The following SUCLG2 variants were observed in gnomAD, a reference collection of about 807,000 sequenced individuals.
SUCLG2 encodes succinate--CoA ligase [GDP-forming] subunit beta, mitochondrial.
In SUCLG2, 42 loss-of-function variants were observed where a neutral mutation model predicts 47.9. The ratio of observed to expected loss-of-function variants is 0.88; its 90% CI spans 0.69 to 1.14. The LOEUF is 1.14. Among genes scored for constraint, SUCLG2 ranks in the 50% most tolerant of loss-of-function variants. The pLI, the probability that SUCLG2 is intolerant of heterozygous loss-of-function variation, is 0.00. For synonymous variants in SUCLG2, 195 were observed against 197.3 expected, an observed-to-expected ratio of 0.99 and a Z score of 0.10; for missense variants, 571 against 525.9, an observed-to-expected ratio of 1.09 and a Z score of -0.84.
intron 9 of SUCLG2, among the ~76,000 whole-genome samples, chr3:67,495,468 C>A (rs901438314): frequency 1.3e-5 from 2 of 151,972 alleles, no homozygotes; most frequent in Non-Finnish European, 2.9e-5. Flanking sequence ...GCCTGGCCAA[C>A]ATGAGAAACC....
intron 4 of SUCLG2, among the ~76,000 whole-genome samples, chr3:67,527,799 G>C (rs952803487): frequency 1.3e-5 from 2 of 152,188 alleles, no homozygotes; most frequent in Non-Finnish European, 2.9e-5. Context: ...AGCAGCGAAT[G>C]TCCCTCACTG....
intron 9 of SUCLG2, among the ~76,000 whole-genome samples, chr3:67,441,598 C>T (rs1177724282): frequency 1.3e-5 from 2 of 152,178 alleles, no homozygotes; most frequent in East Asian, 1.9e-4. Flanking sequence ...GTATTTCCAA[C>T]CCTCAAAAAC....
At chr3:67,470,971 C>A (rs1575718489) in intron 9 of SUCLG2, among the ~76,000 whole-genome samples, 1 of 152,104 alleles carries the variant, frequency 6.6e-6, no homozygotes, top group East Asian at 1.9e-4. Context: ...TTCTGTTATG[C>A]CTGTTAACTG....
chr3:67,568,151 C>A (rs1022487000), intron 2 of SUCLG2, among the ~76,000 whole-genome samples: 19 of 152,120 alleles, frequency 1.2e-4, no homozygotes, highest in Non-Finnish European at 4.4e-5. Flanking sequence ...AAGAAACATT[C>A]ATCGTTGGGC....
At chr3:67,361,167 G>GAA (rs112542838) in intron 10 of SUCLG2, among the ~76,000 whole-genome samples, 1 of 144,522 alleles carries the variant, frequency 6.9e-6, no homozygotes, top group Non-Finnish European at 1.5e-5. Context: ...TGAGATGCCG[G>GAA]AAAAAAAAAA....
intron 9 of SUCLG2, among the ~76,000 whole-genome samples, chr3:67,439,326 A>T (rs1403417725): frequency 6.6e-6 from 1 of 152,238 alleles, no homozygotes; most frequent in African/African-American, 2.4e-5. Flanking sequence ...GAAAATTGGC[A>T]CAAGACAAGG....
intron 1 of SUCLG2, among the ~76,000 whole-genome samples, chr3:67,613,976 T>TTTTA (rs1700579370): frequency 6.6e-6 from 1 of 152,178 alleles, no homozygotes. Context: ...ATGTAACTAC[T>TTTTA]CCAGGCTTTG....
At chr3:67,624,296 T>C (rs1469494392) in intron 1 of SUCLG2, among the ~76,000 whole-genome samples, 7 of 152,202 alleles carry the variant, frequency 4.6e-5, no homozygotes, top group African/African-American at 1.7e-4. Context: ...CTGGGGAAAT[T>C]CCTGAGATCA....
chr3:67,630,644 C>T (rs1398787441), intron 1 of SUCLG2, among the ~76,000 whole-genome samples: 23 of 152,214 alleles, frequency 1.5e-4, no homozygotes, highest in Non-Finnish European at 2.8e-4. Flanking sequence ...ATGCCCAGCA[C>T]TTGTACCAAC....
At chr3:67,429,005 G>C (rs1312745786) in intron 9 of SUCLG2, among the ~76,000 whole-genome samples, 1 of 152,140 alleles carries the variant, frequency 6.6e-6, no homozygotes, top group Non-Finnish European at 1.5e-5. Flanking sequence ...AGGGAGAATG[G>C]AACCAAGTTG....
intron 9 of SUCLG2, among the ~76,000 whole-genome samples, chr3:67,457,511 C>T (rs1053971862): frequency 1.3e-5 from 2 of 152,004 alleles, no homozygotes; most frequent in African/African-American, 4.8e-5. Flanking sequence ...TGGGGAATTA[C>T]TGATTAAAGG....
intron 9 of SUCLG2, among the ~76,000 whole-genome samples, chr3:67,483,208 T>C (rs1265667806): frequency 6.6e-6 from 1 of 151,894 alleles, no homozygotes; most frequent in East Asian, 1.9e-4. Flanking sequence ...GTAAAGTTGC[T>C]GCGTAAACTA....
chr3:67,458,457 C>T (rs970313951), intron 9 of SUCLG2, among the ~76,000 whole-genome samples: 6 of 152,148 alleles, frequency 3.9e-5, no homozygotes, highest in Non-Finnish European at 8.8e-5. Flanking sequence ...TTATCAAACA[C>T]ACAGCAGTTC....
chr3:67,423,792 T>G (rs923308313), intron 9 of SUCLG2, among the ~76,000 whole-genome samples: 4 of 152,218 alleles, frequency 2.6e-5, no homozygotes, highest in African/African-American at 9.6e-5. Context: ...CTCCCTTTAC[T>G]GAAGTGAGTT....
At chr3:67,428,436 A>G (rs969305732) in intron 9 of SUCLG2, among the ~76,000 whole-genome samples, 3 of 152,196 alleles carry the variant, frequency 2.0e-5, no homozygotes, top group African/African-American at 7.2e-5. Flanking sequence ...CCGAAACCCC[A>G]TCTGTGCGTC....
rs75987037 is a variant in SUCLG2, at chr3:67,508,610, G to T, written c.757+197C>A. On this transcript the variant is annotated intron_variant, in intron 7 of 10. Coordinates refer to ENST00000307227, the MANE Select transcript of SUCLG2 (RefSeq NM_003848.4). ...AAAACAAGCAGTAGCTTCCTTAGAG[G>T]CTTGGCATTTGGCTACAAACAAACC... 4.5e-3 allele frequency among the ~76,000 whole-genome samples: 681 copies of T among 152,186 alleles called. 8 individuals are homozygous for T. The East Asian group carries it at 0.054, about 12-fold the overall frequency.
Position 67,362,441 on chromosome 3 carries a change from A to G in SUCLG2, c.1184-1673T>C, listed in dbSNP as rs142506369. 1.5e-4 allele frequency among the ~76,000 whole-genome samples: 23 copies of G among 152,054 alleles called. No individual in the cohort carries two copies. In the East Asian group the frequency reaches 2.3e-3, roughly 15 times the overall value. On this transcript the variant is annotated intron_variant, in intron 10 of 10. Coordinates refer to the SUCLG2 transcript ENST00000493112. ...TGGGCTTTCTTTAAAATTGCAATAT[A>G]TTTTCATGTATTTGTGTTACTTTAT...
At chr3:67,480,715 T>G (rs1704890600) in intron 9 of SUCLG2, among the ~76,000 whole-genome samples, 1 of 152,206 alleles carries the variant, frequency 6.6e-6, no homozygotes, top group Admixed American at 6.5e-5. Flanking sequence ...TTGAGGGACT[T>G]GTGGCCAGAG....
At chr3:67,599,790 C>T (rs952998473) in intron 2 of SUCLG2, among the ~76,000 whole-genome samples, 2 of 151,326 alleles carry the variant, frequency 1.3e-5, no homozygotes, top group Non-Finnish European at 2.9e-5. Context: ...AATCTCTTAG[C>T]TTGTTCGATG....
Sources: gnomAD v4.1 joint callset for allele counts (sites outside exome capture counted in the v4.1 genomes callset) on GRCh38, gnomAD v4.1.1 for gene constraint, MANE v1.5 for transcripts, NCBI Gene and HGNC (gene_info 2026-07-23, HGNC 2026-07-21) for gene names.